The following NID1 variants were observed in gnomAD, a reference collection of about 807,000 sequenced individuals.
NID1 encodes the protein nidogen 1.
NID1 carries 76 observed loss-of-function variants against 130.6 expected under a neutral mutation model. That is an observed-to-expected ratio of 0.58 (90% CI 0.48 to 0.70). The LOEUF (loss-of-function observed/expected upper bound fraction) is 0.70, where lower values mean the gene tolerates loss of function less well. NID1 is among the 30% of genes least tolerant of loss of function. NID1 has a pLI of 0.00. For synonymous variants in NID1, 665 were observed against 675.1 expected, an observed-to-expected ratio of 0.98 and a Z score of 0.23; for missense variants, 1,517 against 1,664.8, an observed-to-expected ratio of 0.91 and a Z score of 1.54.
At chr1:235,981,498 C>T (rs775672449) in intron 16 of NID1, 113 bp downstream of exon 16, 42 of 1,182,654 alleles carry the variant, frequency 3.6e-5, no homozygotes, top group Admixed American at 4.5e-5. Flanking sequence ...TCTTTCGTCC[C>T]GTACTCATTA....
intron 1 of NID1, among the ~76,000 whole-genome samples, chr1:236,062,724 T>C (rs913187853): frequency 6.6e-6 from 1 of 151,886 alleles, no homozygotes; most frequent in African/African-American, 2.4e-5. Flanking sequence ...CAGTCACTAA[T>C]AGAAGTCACA....
intron 9 of NID1, 107 bp downstream of exon 9, chr1:236,023,963 T>C: frequency 7.0e-7 from 1 of 1,429,522 alleles, no homozygotes; most frequent in Non-Finnish European, 9.6e-7. Context: ...CCAGTATTTA[T>C]CTCATCCGTG....
chr1:235,978,784 A>G (rs1327073313), intron 19 of NID1, among the ~76,000 whole-genome samples: 2 of 152,200 alleles, frequency 1.3e-5, no homozygotes, highest in African/African-American at 4.8e-5. Flanking sequence ...CCAAAACTCA[A>G]TGCTTTTCCT....
Position 235,993,829 on chromosome 1 carries a change from G to A in NID1, c.2571C>T (p.Leu857=), listed in dbSNP as rs145436948. The A allele has an allele frequency of 8.7e-6, 14 of 1,613,940 alleles. No individual in the cohort carries two copies. Among genetic ancestry groups the A allele is most frequent in the African/African-American group, 8.0e-5 (6 of 74,934 alleles). Residue 857 remains leucine (L), a synonymous_variant, in exon 13 of 20, where the codon CTC becomes CTT. Coordinates refer to ENST00000264187, the MANE Select transcript of NID1 (RefSeq NM_002508.3). ...TRCQHEREHI[L]GAAGATDPQR... ...GTGGGTCTGTCGCCCCCGCTGCCCCGAGAATGTGTTCTCGCTCGTGCTGGC... is the reference window on the plus strand; with the variant it reads ...GTGGGTCTGTCGCCCCCGCTGCCCCAAGAATGTGTTCTCGCTCGTGCTGGC...
intron 10 of NID1, among the ~76,000 whole-genome samples, chr1:236,013,924 G>T (rs906673792): frequency 6.6e-6 from 1 of 152,188 alleles, no homozygotes; most frequent in African/African-American, 2.4e-5. Context: ...ATCTGCAGAT[G>T]CCACACTTCT....
intron 4 of NID1, among the ~76,000 whole-genome samples, chr1:236,038,838 TAA>T (rs1157799733): frequency 7.1e-5 from 9 of 126,760 alleles, no homozygotes; most frequent in South Asian, 2.6e-4. Context: ...TCATATATAA[TAA>T]ATATTACCTA....
In NID1 at chr1:236,014,858, C is replaced by T. The variant is rs145240265; in HGVS notation, c.2255-1298G>A. Among the ~76,000 whole-genome samples, 6 of 152,342 alleles carry T rather than the reference C, an allele frequency of 3.9e-5. No individual in the cohort carries two copies. The East Asian group carries it at 1.2e-3, about 29-fold the overall frequency. ...GGGGTATCTACATCTTCACATCAAG[C>T]TGACTTATGGGCAAGCTGAGGCCCA... On this transcript the variant is annotated intron_variant, in intron 10 of 19. Coordinates refer to ENST00000264187, the MANE Select transcript of NID1 (RefSeq NM_002508.3).
Position 236,048,859 on chromosome 1 carries a change from T to A in NID1, c.356A>T (p.Lys119Met), listed in dbSNP as rs1312795471. The A allele has an allele frequency of 6.2e-7, 1 of 1,614,094 alleles. No homozygotes were observed. Among genetic ancestry groups the A allele is most frequent in the East Asian group, 2.2e-5 (1 of 44,880 alleles). The part of the protein sequence containing the change: ...ADLDTTDGLG[K>M]VYYREDLSPS... ...GGATAAGTCTTCTCGATAATAAACCTTCCCCAGGCCATCGGTCGTGTCCAA... is the reference window on the plus strand; with the variant it reads ...GGATAAGTCTTCTCGATAATAAACCATCCCCAGGCCATCGGTCGTGTCCAA... The change falls in exon 2 of 20, where the codon AAG becomes ATG. Residue 119 changes from lysine (K) to methionine (M), a missense_variant. By Grantham distance (95) the Lys-to-Met change is moderately conservative (BLOSUM62 -1). Around this residue, in one of 3 missense-constraint regions of NID1, gnomAD observed 1,329 missense variants for 1,429.2 expected, o/e 0.93. Transcript: ENST00000264187.
At chr1:235,998,824 T>C (rs1002172038) in intron 12 of NID1, among the ~76,000 whole-genome samples, 6 of 152,230 alleles carry the variant, frequency 3.9e-5, no homozygotes, top group Non-Finnish European at 8.8e-5. Flanking sequence ...CAATCCTATG[T>C]GATAAGCAAC....
chr1:236,026,385 C>T (rs1658932232), intron 7 of NID1, among the ~76,000 whole-genome samples: 1 of 152,198 alleles, frequency 6.6e-6, no homozygotes, highest in South Asian at 2.1e-4. Flanking sequence ...GTATTTGTTG[C>T]TTTTCTCTCA....
chr1:235,977,820 G>C lies in NID1; in HGVS notation c.*47C>G. 1 of 1,603,094 alleles carries C rather than the reference G, an allele frequency of 6.2e-7. No individual in the cohort carries two copies. Among genetic ancestry groups the C allele is most frequent in the Non-Finnish European group, 8.5e-7 (1 of 1,172,562 alleles). On this transcript the variant is annotated 3_prime_UTR_variant, in exon 20 of 20. Coordinates refer to ENST00000264187, the MANE Select transcript of NID1 (RefSeq NM_002508.3). ...AATCTGGACCAAGTTGCTTCAAGTA[G>C]AGTGTTGCTGTGAAATACTTGGAAA...
At chr1:236,052,698 T>C (rs57485165) in intron 1 of NID1, among the ~76,000 whole-genome samples, 6,309 of 152,292 alleles carry the variant, frequency 0.041, 423 homozygotes, top group African/African-American at 0.14. Context: ...TACTCTGGTT[T>C]CCTTCCACAT....
At chr1:236,018,800 G>A (rs999783225) in intron 9 of NID1, among the ~76,000 whole-genome samples, 3 of 151,640 alleles carry the variant, frequency 2.0e-5, no homozygotes, top group Admixed American at 6.6e-5. Context: ...CATAATGGCC[G>A]AGACCACACA....
chr1:236,030,453 A>AT (rs1440875240), intron 6 of NID1, among the ~76,000 whole-genome samples: 1 of 152,040 alleles, frequency 6.6e-6, no homozygotes, highest in African/African-American at 2.4e-5. Flanking sequence ...AGGTCTTTAC[A>AT]TTTTTTAATG....
intron 17 of NID1, 112 bp from the exon 18 acceptor site, chr1:235,980,057 C>T: frequency 8.1e-7 from 1 of 1,239,850 alleles, no homozygotes; most frequent in Non-Finnish European, 1.2e-6. Context: ...ATTACAATGA[C>T]AAGTCCCAGA....
intron 12 of NID1, among the ~76,000 whole-genome samples, chr1:235,994,555 T>C (rs1267922156): frequency 6.6e-6 from 1 of 152,254 alleles, no homozygotes; most frequent in Non-Finnish European, 1.5e-5. Flanking sequence ...CTGCTTCATA[T>C]TCATGGCTGA....
chr1:235,992,664 G>C (rs762347864), intron 13 of NID1, among the ~76,000 whole-genome samples: 3 of 152,102 alleles, frequency 2.0e-5, no homozygotes, highest in African/African-American at 4.8e-5. Context: ...CCGCTTCTTG[G>C]GGGCCCAGCA....
At chr1:236,017,936 T>C (rs1658650381) in intron 9 of NID1, among the ~76,000 whole-genome samples, 1 of 152,210 alleles carries the variant, frequency 6.6e-6, no homozygotes, top group South Asian at 2.1e-4. Context: ...AAATATACTT[T>C]CAAATCCTAA....
intron 7 of NID1, 112 bp from the exon 8 acceptor site, chr1:236,026,253 A>G (rs1572603977): frequency 7.3e-7 from 1 of 1,371,280 alleles, no homozygotes; most frequent in Non-Finnish European, 1.0e-6. Context: ...TTCCCTGCCC[A>G]TAAGGCTACC....
Sources: gnomAD v4.1 joint callset for allele counts (sites outside exome capture counted in the v4.1 genomes callset) on GRCh38, gnomAD v4.1.1 for gene constraint, gnomAD v4.1.1 regional missense constraint, MANE v1.5 for transcripts, NCBI Gene and HGNC (gene_info 2026-07-23, HGNC 2026-07-21) for gene names.